Variants in NDUFS2 observed in about 807,000 individuals in gnomAD.
NDUFS2 encodes NADH dehydrogenase [ubiquinone] iron-sulfur protein 2, mitochondrial.
In NDUFS2, 38 loss-of-function variants were observed where a neutral mutation model predicts 69.6. The ratio of observed to expected loss-of-function variants is 0.55; its 90% CI spans 0.42 to 0.72. NDUFS2 has a LOEUF of 0.72. Among genes scored for constraint, NDUFS2 ranks in the 30% least tolerant of loss-of-function variants. NDUFS2 has a pLI of 0.00. For synonymous variants in NDUFS2, 194 were observed against 211.2 expected (o/e 0.92, Z 0.70); for missense variants, 468 against 595.0 (o/e 0.79, Z 2.22).
upstream of NDUFS2, chr1:161,198,360 C>T (rs1664953155): frequency 1.2e-6 from 2 of 1,613,068 alleles, no homozygotes; most frequent in Non-Finnish European, 1.7e-6. This position sits in a 1 kb window ranked among gnomAD's most constrained non-coding sequence, Gnocchi z 4.7. Flanking sequence ...AGCAGCGTCT[C>T]CCCAAAGGCC....
rs1278728869 is a variant in NDUFS2, at chr1:161,204,189, G to A, written c.202+646G>A. On this transcript the variant is annotated intron_variant, in intron 2 of 13. Transcript: ENST00000676972. Reference sequence around the variant, plus strand: ...CTCCAGACAAGGTGGTGGTTTTCCCGTTGGTAACCAAATGAAACCTACATG... The same window carrying A: ...CTCCAGACAAGGTGGTGGTTTTCCCATTGGTAACCAAATGAAACCTACATG... Among the ~76,000 whole-genome samples, 8 of 152,086 alleles carry A rather than the reference G, an allele frequency of 5.3e-5. No individual in the cohort carries two copies. In the South Asian group the frequency reaches 1.0e-3, roughly 20 times the overall value.
chr1:161,199,250 CAT>C (rs1366490539), upstream of NDUFS2: 2 of 152,298 alleles, frequency 1.3e-5, no homozygotes, highest in Non-Finnish European at 2.9e-5. Context: ...CAGCTGATGA[CAT>C]AGCCTTTTCC....
chr1:161,209,798 C>A (rs1430227530), intron 5 of NDUFS2, 59 bp from the exon 6 acceptor site: 2 of 1,560,994 alleles, frequency 1.3e-6, no homozygotes, highest in Non-Finnish European at 1.8e-6. Context: ...GGGGAGTAGG[C>A]CATCATAGGA....
At chr1:161,210,853 T>C in intron 9 of NDUFS2, 143 bp downstream of exon 9, 1 of 1,257,574 alleles carries the variant, frequency 8.0e-7, no homozygotes, top group Non-Finnish European at 1.1e-6. Context: ...CTCAAAACAC[T>C]TTCACATATA....
At position 161,202,495 on chromosome 1, in the gene NDUFS2, A is replaced by G. The variant is rs1266329940; in HGVS notation, c.95+15A>G. 6.2e-7 allele frequency: 1 copy of G among 1,602,924 alleles called. No individual in the cohort carries two copies. Among genetic ancestry groups the G allele is most frequent in the African/African-American group, 1.3e-5 (1 of 74,940 alleles). On this transcript the variant is annotated intron_variant, in intron 1 of 13. Transcript: ENST00000676972. ...CAGCCCAGCAGGTGAGATCGAGGGCAGCTCTCGACACACTTTCTCCAAGGC... is the reference window on the plus strand; with the variant it reads ...CAGCCCAGCAGGTGAGATCGAGGGCGGCTCTCGACACACTTTCTCCAAGGC...
Position 161,213,860 on chromosome 1 carries a change from C to A in NDUFS2, c.1297-4C>A. The A allele has an allele frequency of 6.2e-7, 1 of 1,614,166 alleles. No individual in the cohort carries two copies. Among genetic ancestry groups the A allele is most frequent in the South Asian group, 1.1e-5 (1 of 91,082 alleles). On this transcript the variant is annotated splice_polypyrimidine_tract_variant and splice_region_variant and intron_variant, in intron 12 of 13. Coordinates refer to ENST00000676972, the MANE Select transcript of NDUFS2 (RefSeq NM_001377299.1). The stretch of plus-strand genomic sequence containing the variant: ...TAACATTGTTGCCATCTCAATCTCC[C>A]TAGGCTGGTTTGGACAAGATGTCTA...
Position 161,214,293 on chromosome 1 carries a change from G to T in NDUFS2, c.*100G>T. Reference sequence around the variant, plus strand: ...TCTGTGTGTGTGTGTGTGTGTGTGTGTGTGTGTATGTTCATGTACACTTGG... The same window carrying T: ...TCTGTGTGTGTGTGTGTGTGTGTGTTTGTGTGTATGTTCATGTACACTTGG... On this transcript the variant is annotated 3_prime_UTR_variant, in exon 14 of 14. Transcript: ENST00000676972. 1 of 1,114,394 alleles carries T rather than the reference G, an allele frequency of 9.0e-7. No individual in the cohort carries two copies. Among genetic ancestry groups the T allele is most frequent in the Non-Finnish European group, 1.4e-6 (1 of 737,804 alleles). The allele number at this position is 1,114,394 out of a possible 1,614,324, so 69.0% of individuals were successfully genotyped here.
At chr1:161,198,910 G>A, upstream of NDUFS2, 1 of 395,896 alleles carries the variant, frequency 2.5e-6, no homozygotes, top group Non-Finnish European at 4.5e-6. This position sits in a 1 kb window ranked among gnomAD's most constrained non-coding sequence, Gnocchi z 4.7. Context: ...CAGCTTCTCT[G>A]GCCTCTCCCT....
rs777409478 is a variant in NDUFS2, at chr1:161,214,213, TC to T, written c.*26del. On this transcript the variant is annotated 3_prime_UTR_variant, in exon 14 of 14. Coordinates refer to ENST00000676972, the MANE Select transcript of NDUFS2 (RefSeq NM_001377299.1). Reference sequence around the variant, plus strand: ...CGGTGAGCAGGGGAGCAGCGTTTGATCCCCCCTGCCTATCAGCTTCTTCTGT... The same window carrying T: ...CGGTGAGCAGGGGAGCAGCGTTTGATCCCCCTGCCTATCAGCTTCTTCTGT... The T allele has an allele frequency of 2.4e-5, 38 of 1,604,500 alleles. No homozygotes were observed. In the African/African-American group the frequency reaches 3.6e-4, roughly 15 times the overall value.
chr1:161,209,763 G>A, intron 5 of NDUFS2, 94 bp from the exon 6 acceptor site: 1 of 1,424,062 alleles, frequency 7.0e-7, no homozygotes, highest in South Asian at 1.2e-5. Flanking sequence ...TGAGGGGTTG[G>A]TTGGGCACAA....
rs115674898 is a variant in NDUFS2 at position 161,202,780 on chromosome 1, C to A, written c.95+300C>A. Among the ~76,000 whole-genome samples, 186 of 152,340 alleles carry A rather than the reference C, an allele frequency of 1.2e-3. 2 individuals are homozygous for A. The highest frequency in any genetic ancestry group is 4.3e-3 in the African/African-American group (178 of 41,570). ...CTCAGCCAAAGAGCCAGAATGCTCG[C>A]TGTCTCTCTGTCGTTGACCTTGAAC... On this transcript the variant is annotated intron_variant, in intron 1 of 13. Transcript: ENST00000676972.
chr1:161,212,574 C>CTT, intron 10 of NDUFS2, 94 bp downstream of exon 10: 28 of 1,336,490 alleles, frequency 2.1e-5, no homozygotes, highest in Non-Finnish European at 2.5e-5. Flanking sequence ...TTTTGGTTTT[C>CTT]TTTTTTTTTT....
In NDUFS2 at chr1:161,209,954, C is replaced by CA. The variant is rs1571615976; in HGVS notation, c.702+26dup. ...CAGGTGAGCAGGTCCCCGGCTTCCCCAAATGTCCAGCCCAGGCCTATTTTC... is the reference window on the plus strand; with the variant it reads ...CAGGTGAGCAGGTCCCCGGCTTCCCCAAAATGTCCAGCCCAGGCCTATTTTC... On this transcript the variant is annotated intron_variant, in intron 6 of 13. Coordinates refer to ENST00000676972, the MANE Select transcript of NDUFS2 (RefSeq NM_001377299.1). 1.9e-6 allele frequency: 3 copies of CA among 1,613,394 alleles called. No homozygotes were observed. In the East Asian group the frequency reaches 6.7e-5, roughly 36 times the overall value.
upstream of NDUFS2, chr1:161,202,323 A>T: frequency 3.9e-6 from 6 of 1,523,738 alleles, no homozygotes; most frequent in Non-Finnish European, 5.4e-6. Flanking sequence ...AGAAGCCAAG[A>T]AGGAGGCGCG....
chr1:161,201,984 C>T, upstream of NDUFS2: 1 of 339,358 alleles, frequency 2.9e-6, no homozygotes. Context: ...GGGCAGGGCT[C>T]AGATACAATC....
chr1:161,204,503 T>C (rs1175674095), intron 2 of NDUFS2, among the ~76,000 whole-genome samples: 2 of 152,316 alleles, frequency 1.3e-5, no homozygotes, highest in East Asian at 3.9e-4. Context: ...TTCACTGAGT[T>C]TTTGCCGCTG....
intron 9 of NDUFS2, among the ~76,000 whole-genome samples, chr1:161,210,978 G>C (rs192545446): frequency 1.3e-5 from 2 of 152,280 alleles, no homozygotes; most frequent in East Asian, 3.9e-4. Flanking sequence ...GGGTTCAAGT[G>C]ATTCTCCTGC....
intron 3 of NDUFS2, 80 bp downstream of exon 3, chr1:161,206,677 A>G (rs531320950): frequency 1.4e-6 from 2 of 1,454,162 alleles, no homozygotes; most frequent in South Asian, 2.4e-5. Context: ...CTGCCCTTAA[A>G]ACGTGAGGGG....
At position 161,210,644 on chromosome 1, in the gene NDUFS2, C is replaced by T; in HGVS notation, c.920C>T (p.Pro307Leu). 6.2e-7 allele frequency: 1 copy of T among 1,614,076 alleles called. No homozygotes were observed. The highest frequency in any genetic ancestry group is 8.5e-7 in the Non-Finnish European group (1 of 1,180,026). The change falls in exon 9 of 14, where the codon CCC becomes CTC. Residue 307 changes from proline to leucine, a missense_variant. By Grantham distance (98) the Pro-to-Leu change is moderately conservative. Coordinates refer to ENST00000676972, the MANE Select transcript of NDUFS2 (RefSeq NM_001377299.1). ...GIQWDLRKTQ[P>L]YDVYDQVEFD... ...CAGTGGGACCTGCGGAAGACCCAGC[C>T]CTATGATGTTTACGACCAGGTTGAG...
Sources: allele counts gnomAD v4.1 joint callset (sites outside exome capture counted in the v4.1 genomes callset), GRCh38; gene constraint gnomAD v4.1.1; non-coding constraint Gnocchi (gnomAD v3.1); transcripts MANE v1.5; gene names NCBI Gene and HGNC (gene_info 2026-07-23, HGNC 2026-07-21).